Variants in CHCHD6 observed in about 807,000 individuals in gnomAD.
The protein encoded by CHCHD6 is MICOS complex subunit MIC25.
A neutral mutation model predicts 32.3 loss-of-function variants in CHCHD6; 28 were observed. The observed-to-expected ratio is 0.87, with a 90% CI of 0.64 to 1.19. CHCHD6 has a LOEUF of 1.19. Ranked by LOEUF, CHCHD6 falls within the 50% of genes most tolerant of loss-of-function variation. The pLI, the probability that CHCHD6 is intolerant of heterozygous loss-of-function variation, is 0.00. For missense variants in CHCHD6, 333 were observed against 307.0 expected (o/e 1.08, Z -0.63); for synonymous variants, 122 against 117.5 (o/e 1.04, Z -0.25).
intron 4 of CHCHD6, among the ~76,000 whole-genome samples, chr3:126,850,977 T>A (rs1941454292): frequency 6.6e-6 from 1 of 152,214 alleles, no homozygotes; most frequent in African/African-American, 2.4e-5. Flanking sequence ...TCCTGGCATT[T>A]TTAGATCCCC....
chr3:126,806,042 A>C (rs1450378873), intron 4 of CHCHD6, among the ~76,000 whole-genome samples: 5 of 152,364 alleles, frequency 3.3e-5, no homozygotes, highest in African/African-American at 9.6e-5. Flanking sequence ...CCTTATACAA[A>C]AATTAATTCA....
intron 4 of CHCHD6, among the ~76,000 whole-genome samples, chr3:126,802,553 A>T (rs914652868): frequency 6.6e-6 from 1 of 152,206 alleles, no homozygotes; most frequent in Admixed American, 6.5e-5. Flanking sequence ...TCCAAGAAAT[A>T]TGGGACTATG....
chr3:126,810,718 T>G lies in CHCHD6; in HGVS notation c.412-41929T>G, dbSNP rs567378801. Among the ~76,000 whole-genome samples, 23 of 152,342 alleles carry G rather than the reference T, an allele frequency of 1.5e-4. No individual in the cohort carries two copies. In the East Asian group the frequency reaches 4.4e-3, roughly 29 times the overall value. ...AACTGGGTGGGGAGTGTATAGGGAC[T>G]CTGTATTATCTTTACAACTGTTTTG... is the stretch of plus-strand genomic sequence containing the variant. On this transcript the variant is annotated intron_variant, in intron 4 of 7. Transcript: ENST00000290913.
chr3:126,715,503 T>A (rs2107651839), intron 1 of CHCHD6, among the ~76,000 whole-genome samples: 1 of 152,272 alleles, frequency 6.6e-6, no homozygotes, highest in Non-Finnish European at 1.5e-5. Flanking sequence ...GTGGGGAAAT[T>A]ACATTCTTAC....
intron 1 of CHCHD6, among the ~76,000 whole-genome samples, chr3:126,716,477 C>T (rs1347522161): frequency 6.6e-6 from 1 of 152,028 alleles, no homozygotes; most frequent in East Asian, 1.9e-4. Context: ...TCTTCTCTCC[C>T]TCTGTATCTG....
At chr3:126,897,944 C>G (rs569385751) in intron 5 of CHCHD6, among the ~76,000 whole-genome samples, 2 of 152,336 alleles carry the variant, frequency 1.3e-5, no homozygotes, top group East Asian at 3.9e-4. Context: ...CAGCCTCAGT[C>G]TCTGCCTGTG....
intron 1 of CHCHD6, among the ~76,000 whole-genome samples, chr3:126,721,311 G>T (rs1345037617): frequency 1.3e-5 from 2 of 152,172 alleles, no homozygotes; most frequent in African/African-American, 2.4e-5. Context: ...ACCTATGGCG[G>T]CAGGCGCACG....
At position 126,959,626 on chromosome 3, in the gene CHCHD6, A is replaced by T. The variant is rs1025023388; in HGVS notation, c.703-570A>T. 3.9e-5 allele frequency among the ~76,000 whole-genome samples: 6 copies of T among 152,282 alleles called. No homozygotes were observed. The East Asian group carries it at 9.7e-4, about 25-fold the overall frequency. On this transcript the variant is annotated intron_variant, in intron 7 of 7. Transcript: ENST00000290913. The stretch of plus-strand genomic sequence containing the variant: ...GCACTGCTTCTCTCTCCAGGATCTA[A>T]CATCTGCCCTGGGGCTCCTAGGGCA...
intron 5 of CHCHD6, among the ~76,000 whole-genome samples, chr3:126,876,602 A>T (rs375337249): frequency 7.2e-5 from 11 of 152,242 alleles, no homozygotes; most frequent in East Asian, 3.8e-4. Context: ...GATCTTAAAA[A>T]TATCGGCAGT....
chr3:126,933,463 T>C (rs1218877716), intron 6 of CHCHD6, among the ~76,000 whole-genome samples: 2 of 152,222 alleles, frequency 1.3e-5, no homozygotes, highest in Admixed American at 6.5e-5. Context: ...CTCATGGTCC[T>C]ACAGGCTGTA....
intron 1 of CHCHD6, among the ~76,000 whole-genome samples, chr3:126,719,812 C>T (rs932523004): frequency 6.6e-6 from 1 of 152,052 alleles, no homozygotes; most frequent in Admixed American, 6.6e-5. Flanking sequence ...GGTTACCGCT[C>T]CCTTGTCTGT....
At chr3:126,786,842 G>A (rs1306265083) in intron 4 of CHCHD6, among the ~76,000 whole-genome samples, 1 of 151,894 alleles carries the variant, frequency 6.6e-6, no homozygotes, top group Non-Finnish European at 1.5e-5. Context: ...GATCCCATTT[G>A]TCAATTTTGG....
At chr3:126,833,558 C>T (rs74631453) in intron 4 of CHCHD6, among the ~76,000 whole-genome samples, 1,557 of 152,298 alleles carry the variant, frequency 0.01, 28 homozygotes, top group African/African-American at 0.035. Flanking sequence ...ATGTGGGCTT[C>T]GCAACTATGT....
At chr3:126,839,268 C>A (rs1035434611) in intron 4 of CHCHD6, among the ~76,000 whole-genome samples, 4 of 152,078 alleles carry the variant, frequency 2.6e-5, no homozygotes, top group South Asian at 2.1e-4. Flanking sequence ...AGCCTCCAGC[C>A]TCCAGGAATT....
intron 5 of CHCHD6, among the ~76,000 whole-genome samples, chr3:126,907,851 G>T (rs776054837): frequency 1.3e-5 from 2 of 152,172 alleles, no homozygotes; most frequent in African/African-American, 2.4e-5. Flanking sequence ...TGGCATCTGC[G>T]TGGCCTTTGG....
intron 5 of CHCHD6, among the ~76,000 whole-genome samples, chr3:126,892,742 C>T (rs910676137): frequency 1.3e-5 from 2 of 152,316 alleles, no homozygotes; most frequent in African/African-American, 4.8e-5. Context: ...ATACTCTGTT[C>T]CTCTTAGATT....
intron 4 of CHCHD6, among the ~76,000 whole-genome samples, chr3:126,746,627 C>G (rs774261265): frequency 1.3e-5 from 2 of 152,188 alleles, no homozygotes; most frequent in Non-Finnish European, 2.9e-5. Flanking sequence ...GGCACCTTAT[C>G]TTCGTGCTGA....
chr3:126,777,694 A>G (rs1937715533), intron 4 of CHCHD6, among the ~76,000 whole-genome samples: 1 of 152,184 alleles, frequency 6.6e-6, no homozygotes, highest in African/African-American at 2.4e-5. Flanking sequence ...TTTCCAAGGC[A>G]TTTGCTCATT....
intron 4 of CHCHD6, among the ~76,000 whole-genome samples, chr3:126,778,471 G>A (rs77687479): frequency 0.037 from 5,670 of 152,280 alleles, 360 homozygotes; most frequent in African/African-American, 0.13. Flanking sequence ...TGGATGTGAT[G>A]TGGTATCTCA....
Sources: gnomAD v4.1 joint callset for allele counts (sites outside exome capture counted in the v4.1 genomes callset) on GRCh38, gnomAD v4.1.1 for gene constraint, MANE v1.5 for transcripts, NCBI Gene and HGNC (gene_info 2026-07-23, HGNC 2026-07-21) for gene names.